Variants in SLC4A10 observed in about 807,000 individuals in gnomAD.
SLC4A10 encodes the protein solute carrier family 4 member 10, also known as sodium-driven chloride bicarbonate exchanger.
A neutral mutation model predicts 137.7 loss-of-function variants in SLC4A10; 42 were observed. That is an observed-to-expected ratio of 0.30 (90% confidence interval 0.24 to 0.39). The LOEUF is 0.39. Ranked by LOEUF, SLC4A10 falls within the 10% of genes least tolerant of loss-of-function variation. The probability of loss-of-function intolerance (pLI) is 1.00; values close to 1 mark genes in which losing one functional copy is unlikely to be tolerated. For missense variants in SLC4A10, 925 were observed against 1,355.0 expected (o/e 0.68, Z 4.98); for synonymous variants, 474 against 464.1 (o/e 1.02, Z -0.27).
chr2:161,826,664 A>T (rs1376912545), intron 3 of SLC4A10, among the ~76,000 whole-genome samples: 1 of 152,176 alleles, frequency 6.6e-6, no homozygotes, highest in East Asian at 1.9e-4. Flanking sequence ...TTTGCTAAGG[A>T]ATTTGTTGTT....
At chr2:161,839,510 A>G (rs140123502) in intron 3 of SLC4A10, among the ~76,000 whole-genome samples, 2 of 152,202 alleles carry the variant, frequency 1.3e-5, no homozygotes, top group East Asian at 3.9e-4. Flanking sequence ...AAAATAATCC[A>G]AAATAATAAT....
rs1196281579 is a variant in SLC4A10, at chr2:161,792,002, A to G, written c.131-12447A>G. Among the ~76,000 whole-genome samples the G allele has an allele frequency of 1.3e-5, 2 of 152,124 alleles. 1 individual carries two copies. Among genetic ancestry groups the G allele is most frequent in the Middle Eastern group, 6.3e-3 (2 of 316 alleles). ...CATAATTTGGGGGTCCTGGTTATAC[A>G]TTTTACATCTCTAAGTTAGGAACTC... On this transcript the variant is annotated intron_variant, in intron 2 of 26. Coordinates refer to ENST00000446997, the MANE Select transcript of SLC4A10 (RefSeq NM_001178015.2).
chr2:161,879,413 A>G (rs1479546936), intron 9 of SLC4A10, 125 bp downstream of exon 9: 3 of 1,007,258 alleles, frequency 3.0e-6, no homozygotes, highest in Admixed American at 5.7e-5. Context: ...CCACAAAACT[A>G]CTATTAATTT....
chr2:161,797,107 AAAATGTTTTAAAAT>A lies in SLC4A10; in HGVS notation c.131-7325_131-7312del, dbSNP rs1006921858. Among the ~76,000 whole-genome samples the A allele has an allele frequency of 1.4e-4, 21 of 152,258 alleles. 1 individual carries two copies. Among genetic ancestry groups the A allele is most frequent in the Admixed American group, 5.2e-4 (8 of 15,254 alleles). ...CTTTCTCTTCCTTGCAAATTAAAAC[AAAATGTTTTAAAAT>A]AAATGTTTTAAAATAATAGTGAAAT... On this transcript the variant is annotated intron_variant, in intron 2 of 26. Coordinates refer to ENST00000446997, the MANE Select transcript of SLC4A10 (RefSeq NM_001178015.2).
intron 1 of SLC4A10, among the ~76,000 whole-genome samples, chr2:161,677,891 T>G (rs1035760600): frequency 3.9e-5 from 6 of 152,124 alleles, no homozygotes; most frequent in African/African-American, 1.4e-4. Flanking sequence ...GGCAGTACAA[T>G]GTTACTTTAG....
Position 161,666,526 on chromosome 2 carries a change from C to G in SLC4A10, c.48+41960C>G, listed in dbSNP as rs2039068786. 2.6e-5 allele frequency among the ~76,000 whole-genome samples: 4 copies of G among 151,712 alleles called. No individual in the cohort carries two copies. In the South Asian group the frequency reaches 8.3e-4, roughly 31 times the overall value. ...GTTTCTTTGTCTACTACCTAATTAA[C>G]ATACTTTAATGAGTTCACTAAGTTT... is the stretch of plus-strand genomic sequence containing the variant. On this transcript the variant is annotated intron_variant, in intron 1 of 26. Coordinates refer to ENST00000446997, the MANE Select transcript of SLC4A10 (RefSeq NM_001178015.2).
intron 23 of SLC4A10, among the ~76,000 whole-genome samples, chr2:161,972,331 T>C (rs1698681683): frequency 6.6e-6 from 1 of 152,182 alleles, no homozygotes. Context: ...ATACATATGC[T>C]CTGCCCCTGA....
rs1002777223 is a variant in SLC4A10 at position 161,904,834 on chromosome 2, G to C, written c.1676G>C (p.Gly559Ala). Residue 559 changes from glycine to alanine, a missense_variant, in exon 14 of 27, where the codon GGT becomes GCT. This residue lies in a region of SLC4A10 where 61 missense variants were observed against 168.0 expected (regional missense o/e 0.36). Coordinates refer to ENST00000446997, the MANE Select transcript of SLC4A10 (RefSeq NM_001178015.2). Reference protein sequence around the residue: ...SMTGIAYSLFGGQPLTILGST... With the variant: ...SMTGIAYSLFAGQPLTILGST... Reference sequence around the variant, plus strand: ...ACCGGGATAGCCTATTCTCTCTTTGGTGGACAGCCTCTTACCATATTAGGC... The same window carrying C: ...ACCGGGATAGCCTATTCTCTCTTTGCTGGACAGCCTCTTACCATATTAGGC... The C allele has an allele frequency of 6.2e-7, 1 of 1,613,778 alleles. No individual in the cohort carries two copies. Among genetic ancestry groups the C allele is most frequent in the African/African-American group, 1.3e-5 (1 of 74,906 alleles).
intron 1 of SLC4A10, among the ~76,000 whole-genome samples, chr2:161,767,119 A>G (rs2050915799): frequency 4.8e-5 from 4 of 83,316 alleles, no homozygotes; most frequent in South Asian, 7.1e-4. Flanking sequence ...ATATATATAT[A>G]TATATATATA....
chr2:161,780,980 G>A (rs936819190), intron 2 of SLC4A10, among the ~76,000 whole-genome samples: 10 of 151,962 alleles, frequency 6.6e-5, no homozygotes, highest in African/African-American at 2.4e-4. Context: ...AATCTTGTCT[G>A]TGTGACTGCA....
chr2:161,958,564 C>T lies in SLC4A10; in HGVS notation c.2862+9C>T. On this transcript the variant is annotated intron_variant, in intron 21 of 26. Coordinates refer to ENST00000446997, the MANE Select transcript of SLC4A10 (RefSeq NM_001178015.2). ...CTCTAAAGGGAATTCAGGTAAATTA[C>T]TTACAGTACTACAGGCACATCTGTG... The T allele has an allele frequency of 1.9e-6, 3 of 1,598,022 alleles. No homozygotes were observed. Among genetic ancestry groups the T allele is most frequent in the Non-Finnish European group, 2.6e-6 (3 of 1,167,362 alleles).
chr2:161,947,160 T>G (rs558288397), intron 16 of SLC4A10, among the ~76,000 whole-genome samples: 2 of 152,090 alleles, frequency 1.3e-5, no homozygotes, highest in African/African-American at 4.8e-5. Flanking sequence ...TTTTATGGTA[T>G]TGGTGTGAAA....
At chr2:161,947,854 G>T in intron 17 of SLC4A10, 127 bp downstream of exon 17, 1 of 1,027,282 alleles carries the variant, frequency 9.7e-7, no homozygotes. Flanking sequence ...TGTGGAGTGA[G>T]ATGAGGGGCT....
chr2:161,684,706 G>C (rs1159051212), intron 1 of SLC4A10, among the ~76,000 whole-genome samples: 1 of 152,162 alleles, frequency 6.6e-6, no homozygotes, highest in African/African-American at 2.4e-5. Context: ...CAATGAAAAT[G>C]CTTGACTCAT....
At chr2:161,781,042 G>A (rs994269680) in intron 2 of SLC4A10, among the ~76,000 whole-genome samples, 2 of 152,014 alleles carry the variant, frequency 1.3e-5, no homozygotes, top group Non-Finnish European at 2.9e-5. Context: ...CTCCACCAGT[G>A]TGGCCAAACC....
intron 2 of SLC4A10, among the ~76,000 whole-genome samples, chr2:161,775,371 A>C (rs2052193260): frequency 6.6e-6 from 1 of 151,916 alleles, no homozygotes; most frequent in African/African-American, 2.4e-5. Flanking sequence ...ACAACAGTAC[A>C]TATTTATAGT....
At chr2:161,832,716 C>CT (rs989577769) in intron 3 of SLC4A10, among the ~76,000 whole-genome samples, 4 of 151,576 alleles carry the variant, frequency 2.6e-5, no homozygotes, top group African/African-American at 9.7e-5. Flanking sequence ...TTTGCATTTT[C>CT]TTTTTTTGTT....
At chr2:161,929,396 T>C (rs1689898174) in intron 15 of SLC4A10, among the ~76,000 whole-genome samples, 2 of 152,260 alleles carry the variant, frequency 1.3e-5, no homozygotes, top group South Asian at 4.1e-4. Flanking sequence ...ACTATATCTA[T>C]GTGCCTAGGC....
chr2:161,961,569 G>A (rs1274554539), intron 21 of SLC4A10, among the ~76,000 whole-genome samples: 5 of 117,408 alleles, frequency 4.3e-5, no homozygotes, highest in Non-Finnish European at 8.8e-5. Context: ...TTTTGCCTTT[G>A]GCAAAAGTTC....
Sources: allele counts gnomAD v4.1 joint callset (sites outside exome capture counted in the v4.1 genomes callset), GRCh38; gene constraint gnomAD v4.1.1; regional missense constraint gnomAD v4.1.1; transcripts MANE v1.5; gene names NCBI Gene and HGNC (gene_info 2026-07-23, HGNC 2026-07-21).